Variants in CEP126 observed in about 807,000 individuals in gnomAD.
The protein encoded by CEP126 is centrosomal protein 126.
A neutral mutation model predicts 107.8 loss-of-function variants in CEP126; 74 were observed. The observed-to-expected ratio is 0.69, with a 90% CI of 0.57 to 0.83. The LOEUF (loss-of-function observed/expected upper bound fraction) is 0.83. Among genes scored for constraint, CEP126 ranks in the 40% least tolerant of loss-of-function variants. The probability of loss-of-function intolerance (pLI) is 0.00; values close to 1 mark genes in which losing one functional copy is unlikely to be tolerated. For missense variants in CEP126, 1,237 were observed against 1,281.9 expected (o/e 0.96, Z 0.53); for synonymous variants, 449 against 446.0 (o/e 1.01, Z -0.08).
chr11:101,944,389 C>T lies in CEP126; in HGVS notation c.373C>T (p.Leu125Phe). 1 of 1,610,664 alleles carries T rather than the reference C, an allele frequency of 6.2e-7. No homozygotes were observed. Among genetic ancestry groups the T allele is most frequent in the South Asian group, 1.1e-5 (1 of 90,070 alleles). The change falls in exon 3 of 11, where the codon CTT becomes TTT. Residue 125 changes from leucine (L) to phenylalanine (F), a missense_variant. By Grantham distance (22) the Leu-to-Phe change is conservative. This residue lies in a region of CEP126 where 1,134 missense variants were observed against 1,150.5 expected (regional missense o/e 0.99). Coordinates refer to ENST00000263468, the MANE Select transcript of CEP126 (RefSeq NM_020802.4). The part of the protein sequence containing the change: ...TEKFQRAHVP[L>F]SQRRKAVSRK... ...AAAATTCCAGCGTGCCCATGTTCCT[C>T]TTTCACAGCGGAGGAAAGCAGGTGC...
chr11:101,966,203 G>A (rs1050473977), intron 6 of CEP126, among the ~76,000 whole-genome samples: 9 of 152,016 alleles, frequency 5.9e-5, no homozygotes, highest in Admixed American at 2.6e-4. Context: ...TTAATACAGC[G>A]ATTATACTTA....
Position 101,981,871 on chromosome 11 carries a change from A to C in CEP126, c.2959-18A>C. 1.4e-6 allele frequency: 2 copies of C among 1,462,566 alleles called. No homozygotes were observed. The highest frequency in any genetic ancestry group is 1.9e-6 in the Non-Finnish European group (2 of 1,059,694). 90.6% of individuals were successfully genotyped at this position (1,462,566 alleles called of 1,614,324 possible). ...TAAATATGGAAATATGTTTTAATTC[A>C]ATATTCTATTTTTGTAGAATTTTGG... On this transcript the variant is annotated intron_variant, in intron 7 of 10. Transcript: ENST00000263468.
At chr11:101,929,287 A>G (rs1054560205) in intron 2 of CEP126, among the ~76,000 whole-genome samples, 3 of 152,190 alleles carry the variant, frequency 2.0e-5, no homozygotes, top group African/African-American at 4.8e-5. Context: ...GTGATTTTCT[A>G]TTGAAACCCA....
At chr11:101,938,154 T>C (rs1343360940) in intron 2 of CEP126, among the ~76,000 whole-genome samples, 6 of 55,300 alleles carry the variant, frequency 1.1e-4, no homozygotes, top group African/African-American at 3.4e-4. Flanking sequence ...AGCGAGACTC[T>C]GTCTCAAAAA....
chr11:101,997,495 G>A, intron 10 of CEP126, 104 bp from the exon 11 acceptor site: 1 of 1,569,512 alleles, frequency 6.4e-7, no homozygotes, highest in Non-Finnish European at 8.7e-7. Flanking sequence ...GGAGAATGAT[G>A]TCAGGATGTG....
In CEP126 at chr11:101,958,213, C is replaced by G; in HGVS notation, c.552C>G (p.His184Gln). Residue 184 changes from histidine to glutamine, a missense_variant, in exon 5 of 11, where the codon CAC becomes CAG. His to Gln is a conservative substitution (Grantham distance 24). This residue lies in a region of CEP126 where 1,134 missense variants were observed against 1,150.5 expected (regional missense o/e 0.99). Coordinates refer to ENST00000263468, the MANE Select transcript of CEP126 (RefSeq NM_020802.4). ...ALPSALSKND[H>Q]KHQKQLLSKI... Reference sequence around the variant, plus strand: ...CTTCCGCATTATCAAAAAATGATCACAAGCATCAGAAACAACTCTTATCCA... The same window carrying G: ...CTTCCGCATTATCAAAAAATGATCAGAAGCATCAGAAACAACTCTTATCCA... 3 of 1,613,922 alleles carry G rather than the reference C, an allele frequency of 1.9e-6. No individual in the cohort carries two copies. The highest frequency in any genetic ancestry group is 2.7e-5 in the African/African-American group (2 of 75,020).
chr11:101,995,886 C>T (rs2137139219), intron 10 of CEP126, among the ~76,000 whole-genome samples: 1 of 152,320 alleles, frequency 6.6e-6, no homozygotes, highest in East Asian at 1.9e-4. Flanking sequence ...TAAGTACCGT[C>T]TATGTGCCAG....
chr11:101,931,922 T>C (rs1016826762), intron 2 of CEP126, among the ~76,000 whole-genome samples: 1 of 152,218 alleles, frequency 6.6e-6, no homozygotes, highest in African/African-American at 2.4e-5. Context: ...CATATAGCTG[T>C]CATTTGATGA....
rs955585588 is a variant in CEP126, at chr11:101,961,853, C to G, written c.818C>G (p.Ser273Cys). The G allele has an allele frequency of 1.2e-6, 2 of 1,610,836 alleles. No homozygotes were observed. Among genetic ancestry groups the G allele is most frequent in the African/African-American group, 2.7e-5 (2 of 74,842 alleles). The change falls in exon 6 of 11, where the codon TCC becomes TGC. Residue 273 changes from serine (S) to cysteine (C), a missense_variant. This residue lies in a region of CEP126 where 1,134 missense variants were observed against 1,150.5 expected (regional missense o/e 0.99). Coordinates refer to ENST00000263468, the MANE Select transcript of CEP126 (RefSeq NM_020802.4). Reference protein sequence around the residue: ...EIYLTLNKEHSTSIQRNTISL... With the variant: ...EIYLTLNKEHCTSIQRNTISL... ...TATTTAACACTTAATAAGGAGCATT[C>G]CACATCCATCCAGCGGAATACCATT...
rs1453620419 is a variant in CEP126, at chr11:101,987,000, A to G, written c.3203A>G (p.Lys1068Arg). ...NICTLSAEEQ[K>R]ILESLNDLSE... ...TGCACACTGTCAGCTGAAGAACAGA[A>G]GATCCTAGAGTCCCTTAATGATCTC... Residue 1068 changes from lysine to arginine, a missense_variant, in exon 9 of 11, where the codon AAG (lysine) becomes AGG (arginine). This residue lies in a region of CEP126 where 99 missense variants were observed against 114.4 expected (regional missense o/e 0.87). Coordinates refer to ENST00000263468, the MANE Select transcript of CEP126 (RefSeq NM_020802.4). 6.2e-7 allele frequency: 1 copy of G among 1,613,322 alleles called. No individual in the cohort carries two copies. The highest frequency in any genetic ancestry group is 1.3e-5 in the African/African-American group (1 of 74,910).
intron 6 of CEP126, among the ~76,000 whole-genome samples, chr11:101,969,163 G>A (rs535518928): frequency 2.9e-4 from 44 of 152,078 alleles, no homozygotes; most frequent in Non-Finnish European, 5.9e-4. Flanking sequence ...TGGGACTACA[G>A]GTGTATGCCA....
chr11:101,967,686 T>C (rs146033094), intron 6 of CEP126, among the ~76,000 whole-genome samples: 57 of 152,324 alleles, frequency 3.7e-4, no homozygotes, highest in Admixed American at 7.8e-4. Flanking sequence ...TCAATGGGAA[T>C]AAATATCCAA....
Position 101,917,949 on chromosome 11 carries a change from G to T in CEP126, c.128+2537G>T, listed in dbSNP as rs76811856. On this transcript the variant is annotated intron_variant, in intron 1 of 10. Transcript: ENST00000263468. The stretch of plus-strand genomic sequence containing the variant: ...TCCAGCTTCACCTAAACAGGAACAG[G>T]GTTCTTTCTTTTTCCTATGAATGCC... Among the ~76,000 whole-genome samples, 975 of 152,188 alleles carry T rather than the reference G, an allele frequency of 6.4e-3. 8 individuals are homozygous for T. The highest frequency in any genetic ancestry group is 9.3e-3 in the Non-Finnish European group (635 of 68,006).
At position 101,922,229 on chromosome 11, in the gene CEP126, A is replaced by G. The variant is rs1367926444; in HGVS notation, c.129-412A>G. Among the ~76,000 whole-genome samples, 6 of 150,474 alleles carry G rather than the reference A, an allele frequency of 4.0e-5. No homozygotes were observed. The East Asian group carries it at 1.2e-3, about 29-fold the overall frequency. ...ACCCAGACTGGAGTGCAATGGCACAACCTTGGCTCACTGCAACCTCCGCCT... is the reference window on the plus strand; with the variant it reads ...ACCCAGACTGGAGTGCAATGGCACAGCCTTGGCTCACTGCAACCTCCGCCT... On this transcript the variant is annotated intron_variant, in intron 1 of 10. Coordinates refer to ENST00000263468, the MANE Select transcript of CEP126 (RefSeq NM_020802.4).
At position 101,958,250 on chromosome 11, in the gene CEP126, G is replaced by C. The variant is rs773902154; in HGVS notation, c.589G>C (p.Glu197Gln). Residue 197 changes from glutamate (E) to glutamine (Q), a missense_variant, in exon 5 of 11, where the codon GAG becomes CAG. Physicochemically the swap from Glu to Gln is conservative, Grantham distance 29. Coordinates refer to ENST00000263468, the MANE Select transcript of CEP126 (RefSeq NM_020802.4). ...ACAACTCTTATCCAAAATCAATTGT[G>C]AGAAAGAAATGAATGAAAACATGAG... ...QKQLLSKINC[E>Q]KEMNENMRAT... 1 of 1,613,982 alleles carries C rather than the reference G, an allele frequency of 6.2e-7. No individual in the cohort carries two copies.
intron 2 of CEP126, among the ~76,000 whole-genome samples, chr11:101,937,534 T>C (rs2137090440): frequency 6.6e-6 from 1 of 152,338 alleles, no homozygotes; most frequent in Non-Finnish European, 1.5e-5. Flanking sequence ...GCTTAACCTG[T>C]ATTTTGTGAA....
chr11:101,963,490 T>G lies in CEP126; in HGVS notation c.2455T>G (p.Ser819Ala). 2 of 1,614,072 alleles carry G rather than the reference T, an allele frequency of 1.2e-6. No individual in the cohort carries two copies. Among genetic ancestry groups the G allele is most frequent in the Non-Finnish European group, 1.7e-6 (2 of 1,179,996 alleles). Residue 819 changes from serine to alanine, a missense_variant, in exon 6 of 11, where the codon TCT becomes GCT. By Grantham distance (99) the Ser-to-Ala change is moderately conservative (BLOSUM62 1). Around this residue, in one of 3 missense-constraint regions of CEP126, gnomAD observed 1,134 missense variants for 1,150.5 expected, o/e 0.99. Transcript: ENST00000263468. ...TAGAAGTGGTAAAAATATACAAGTG[T>G]CTCAGTGTCAACCAGTAACTCCTGA... Reference protein sequence around the residue: ...NIRSGKNIQVSQCQPVTPENP... With the variant: ...NIRSGKNIQVAQCQPVTPENP...
At chr11:101,992,753 T>G in intron 9 of CEP126, 25 bp from the exon 10 acceptor site, 7 of 1,215,062 alleles carry the variant, frequency 5.8e-6, no homozygotes, top group Non-Finnish European at 8.0e-6. Context: ...TAAATTATTT[T>G]GGTATTGTGA....
intron 2 of CEP126, among the ~76,000 whole-genome samples, chr11:101,940,801 G>A (rs915694696): frequency 5.9e-5 from 9 of 152,154 alleles, no homozygotes; most frequent in African/African-American, 2.2e-4. Context: ...GATGGGGTCT[G>A]GCTTTTCCTG....
Sources: allele counts gnomAD v4.1 joint callset (sites outside exome capture counted in the v4.1 genomes callset), GRCh38; gene constraint gnomAD v4.1.1; regional missense constraint gnomAD v4.1.1; transcripts MANE v1.5; gene names NCBI Gene and HGNC (gene_info 2026-07-23, HGNC 2026-07-21).